AHR: variants seen among roughly 807,000 people sequenced by gnomAD.
The protein encoded by AHR is AH-receptor.
In AHR, 40 loss-of-function variants were observed where a neutral mutation model predicts 86.8. The observed-to-expected ratio is 0.46, with a 90% CI of 0.36 to 0.60. AHR has a LOEUF of 0.60. AHR is among the 20% of genes least tolerant of loss of function. The pLI is 0.00. For synonymous variants in AHR, 398 were observed against 354.9 expected (o/e 1.12, Z -1.37); for missense variants, 1,001 against 1,011.6 (o/e 0.99, Z 0.14).
At chr7:17,303,664 A>G (rs1034819416) in intron 1 of AHR, among the ~76,000 whole-genome samples, 3 of 151,954 alleles carry the variant, frequency 2.0e-5, no homozygotes, top group Non-Finnish European at 4.4e-5. Context: ...TTGGGAGGAA[A>G]TTTTATTCCC....
At chr7:17,342,267 A>G (rs1246479044) in intron 10 of AHR, among the ~76,000 whole-genome samples, 1 of 152,090 alleles carries the variant, frequency 6.6e-6, no homozygotes, top group Non-Finnish European at 1.5e-5. Context: ...TCTTTTTTCT[A>G]CTAGCAGTTA....
intron 1 of AHR, among the ~76,000 whole-genome samples, chr7:17,300,746 A>T (rs1345297041): frequency 2.0e-5 from 3 of 152,200 alleles, no homozygotes; most frequent in African/African-American, 7.2e-5. Context: ...ATTGTCATTG[A>T]TGGTTAAAGT....
chr7:17,310,369 A>G (rs1413735168), intron 2 of AHR, among the ~76,000 whole-genome samples: 1 of 152,112 alleles, frequency 6.6e-6, no homozygotes, highest in Non-Finnish European at 1.5e-5. Flanking sequence ...TATATTTAGA[A>G]GTTACACTCA....
intron 4 of AHR, among the ~76,000 whole-genome samples, chr7:17,328,443 A>G (rs1202898938): frequency 2.0e-5 from 3 of 151,986 alleles, no homozygotes; most frequent in Non-Finnish European, 4.4e-5. Context: ...AATTATAAAT[A>G]TTTGATATAT....
chr7:17,317,347 A>G (rs1782127005), intron 2 of AHR, among the ~76,000 whole-genome samples: 1 of 152,060 alleles, frequency 6.6e-6, no homozygotes, highest in African/African-American at 2.4e-5. Flanking sequence ...AAAGTGTGAT[A>G]GCTTGCTTTG....
At chr7:17,312,997 A>C (rs756211436) in intron 2 of AHR, among the ~76,000 whole-genome samples, 16 of 152,212 alleles carry the variant, frequency 1.1e-4, no homozygotes, top group Non-Finnish European at 2.1e-4. Context: ...AGAATGACAA[A>C]TGCAAACATA....
Position 17,339,172 on chromosome 7 carries a change from C to G in AHR, c.1347C>G (p.Asp449Glu), listed in dbSNP as rs765435897. 3.7e-6 allele frequency: 6 copies of G among 1,614,188 alleles called. No homozygotes were observed. In the East Asian group the frequency reaches 8.9e-5, roughly 24 times the overall value. The stretch of plus-strand genomic sequence containing the variant: ...CTACCACATCCACTCTAAGCAAGGA[C>G]TCTCTCAATCCTAGTTCCCTCCTGG... ...DSATTSTLSKDSLNPSSLLAA... is the reference protein window; with the variant it reads ...DSATTSTLSKESLNPSSLLAA... Residue 449 changes from aspartate to glutamate, a missense_variant, in exon 10 of 11, where the codon GAC (aspartate) becomes GAG (glutamate). Coordinates refer to ENST00000242057, the MANE Select transcript of AHR (RefSeq NM_001621.5).
In AHR at chr7:17,314,219, A is replaced by G. The variant is rs1303641922; in HGVS notation, c.253+4096A>G. Among the ~76,000 whole-genome samples, 6 of 152,124 alleles carry G rather than the reference A, an allele frequency of 3.9e-5. No homozygotes were observed. The East Asian group carries it at 9.6e-4, about 24-fold the overall frequency. ...TCAAAGTCTTGCATTTGCAGCTGTC[A>G]TAGGGAATAGTAGTATTCTAGTTAT... On this transcript the variant is annotated intron_variant, in intron 2 of 10. Transcript: ENST00000242057.
In AHR at chr7:17,310,120, G is replaced by C; in HGVS notation, c.250G>C (p.Asp84His). The change falls in exon 2 of 11, where the codon GAT becomes CAT. Residue 84 changes from aspartate to histidine, a missense_variant. Coordinates refer to ENST00000242057, the MANE Select transcript of AHR (RefSeq NM_001621.5). ...TTACCTGAGAGCCAAGAGCTTCTTT[G>C]ATGGTAAGACAGAAGGGTTTAATTT... ...VSYLRAKSFF[D>H]VALKSSPTER... is the part of the protein sequence containing the mutation. The C allele has an allele frequency of 6.2e-7, 1 of 1,612,924 alleles. No individual in the cohort carries two copies. Among genetic ancestry groups the C allele is most frequent in the Non-Finnish European group, 8.5e-7 (1 of 1,179,070 alleles).
At chr7:17,342,882 A>T (rs1438567099) in intron 10 of AHR, 39 bp from the exon 11 acceptor site, 3 of 1,590,526 alleles carry the variant, frequency 1.9e-6, no homozygotes, top group African/African-American at 2.7e-5. Flanking sequence ...TACTTGGAAG[A>T]TCTATTCCAA....
At chr7:17,334,583 T>A (rs1297869474) in intron 7 of AHR, among the ~76,000 whole-genome samples, 1 of 151,938 alleles carries the variant, frequency 6.6e-6, no homozygotes, top group African/African-American at 2.4e-5. Flanking sequence ...ATAAAAACAT[T>A]CCAGATTTTT....
intron 1 of AHR, among the ~76,000 whole-genome samples, chr7:17,308,255 G>A (rs953761882): frequency 2.0e-5 from 3 of 151,972 alleles, no homozygotes; most frequent in African/African-American, 7.3e-5. Context: ...CTTCATGTGG[G>A]GGAATTCTTA....
At position 17,314,197 on chromosome 7, in the gene AHR, A is replaced by G. The variant is rs1584032565; in HGVS notation, c.253+4074A>G. 2.6e-5 allele frequency among the ~76,000 whole-genome samples: 4 copies of G among 152,206 alleles called. No homozygotes were observed. The South Asian group carries it at 8.3e-4, about 32-fold the overall frequency. ...TTAGGGATCCGAGTTTCTGATTTCA[A>G]AGTCTTGCATTTGCAGCTGTCATAG... On this transcript the variant is annotated intron_variant, in intron 2 of 10. Coordinates refer to ENST00000242057, the MANE Select transcript of AHR (RefSeq NM_001621.5).
chr7:17,335,220 T>C (rs144411275), intron 8 of AHR, among the ~76,000 whole-genome samples: 190 of 152,236 alleles, frequency 1.2e-3, no homozygotes, highest in African/African-American at 4.4e-3. Flanking sequence ...ATGACCATTT[T>C]GGCCCATGAA....
In AHR at chr7:17,322,613, T is replaced by A; in HGVS notation, c.360+6T>A. 6.5e-7 allele frequency: 1 copy of A among 1,548,304 alleles called. No individual in the cohort carries two copies. The highest frequency in any genetic ancestry group is 8.9e-7 in the Non-Finnish European group (1 of 1,122,610). ...AAGGAGAATTCTTATTACAGGTAAA[T>A]TTTAGTAAATATAGTTTCTTACACT... is the stretch of plus-strand genomic sequence containing the variant. On this transcript the variant is annotated splice_donor_region_variant and intron_variant, in intron 3 of 10. Coordinates refer to ENST00000242057, the MANE Select transcript of AHR (RefSeq NM_001621.5).
At chr7:17,324,984 G>A (rs1782213497) in intron 3 of AHR, among the ~76,000 whole-genome samples, 1 of 152,054 alleles carries the variant, frequency 6.6e-6, no homozygotes, top group African/African-American at 2.4e-5. Flanking sequence ...TTAAAATCTT[G>A]CAGCTTTGTT....
intron 6 of AHR, among the ~76,000 whole-genome samples, chr7:17,331,179 T>G (rs1782284748): frequency 6.6e-6 from 1 of 151,854 alleles, no homozygotes; most frequent in African/African-American, 2.4e-5. Context: ...GCTATTTGGT[T>G]ACAAAAGTTT....
At chr7:17,303,850 T>A (rs1382107213) in intron 1 of AHR, among the ~76,000 whole-genome samples, 1 of 152,046 alleles carries the variant, frequency 6.6e-6, no homozygotes, top group East Asian at 1.9e-4. Flanking sequence ...TTAAGAAAAA[T>A]TTACTAATTA....
rs1782456011 is a variant in AHR at position 17,344,013 on chromosome 7, TG to T, written c.*950del. On this transcript the variant is annotated 3_prime_UTR_variant, in exon 11 of 11. Coordinates refer to ENST00000242057, the MANE Select transcript of AHR (RefSeq NM_001621.5). ...CTCTTTACCTTTATTGATATCTCCA[TG>T]ATGATAGTTGAATGTTGCAATGTGA... 1 of 152,622 alleles carries T rather than the reference TG, an allele frequency of 6.6e-6. No homozygotes were observed. The highest frequency in any genetic ancestry group is 2.4e-5 in the African/African-American group (1 of 41,458). 9.5% of individuals were successfully genotyped at this position (152,622 alleles called of 1,614,324 possible).
Sources: gnomAD v4.1 joint callset for allele counts (sites outside exome capture counted in the v4.1 genomes callset) on GRCh38, gnomAD v4.1.1 for gene constraint, MANE v1.5 for transcripts, NCBI Gene and HGNC (gene_info 2026-07-23, HGNC 2026-07-21) for gene names.